Variants in RSBN1L observed in about 807,000 individuals in gnomAD.
The protein encoded by RSBN1L is round spermatid basic protein 1 like, also known as lysine-specific demethylase RSBN1L.
A neutral mutation model predicts 67.7 loss-of-function variants in RSBN1L; 30 were observed. The observed-to-expected ratio is 0.44, with a 90% CI of 0.33 to 0.60. The LOEUF is 0.60. Ranked by LOEUF, RSBN1L falls within the 20% of genes least tolerant of loss-of-function variation. The pLI is 0.02. For missense variants in RSBN1L, 992 were observed against 1,031.7 expected, an observed-to-expected ratio of 0.96 and a Z score of 0.53; for synonymous variants, 433 against 387.0, an observed-to-expected ratio of 1.12 and a Z score of -1.39.
Position 77,696,524 on chromosome 7 carries a change from A to C in RSBN1L, c.55A>C (p.Thr19Pro). 1 of 1,613,752 alleles carries C rather than the reference A, an allele frequency of 6.2e-7. No homozygotes were observed. The highest frequency in any genetic ancestry group is 8.5e-7 in the Non-Finnish European group (1 of 1,179,942). Reference sequence around the variant, plus strand: ...TGTCGCTGCCGCGGCCCCCACCGCCACCGTCTCGGAGAAAGAACCGTTTGG... The same window carrying C: ...TGTCGCTGCCGCGGCCCCCACCGCCCCCGTCTCGGAGAAAGAACCGTTTGG... Reference protein sequence around the residue: ...HCVAAAAPTATVSEKEPFGKL... With the variant: ...HCVAAAAPTAPVSEKEPFGKL... The change falls in exon 1 of 8, where the codon ACC becomes CCC. Residue 19 changes from threonine to proline, a missense_variant. Thr to Pro is a conservative substitution (Grantham distance 38). Around this residue, in one of 7 missense-constraint regions of RSBN1L, gnomAD observed 575 missense variants for 483.2 expected, o/e 1.19. Transcript: ENST00000334955.
intron 1 of RSBN1L, among the ~76,000 whole-genome samples, chr7:77,733,219 A>G (rs1791293262): frequency 6.6e-6 from 1 of 152,232 alleles, no homozygotes; most frequent in Admixed American, 6.5e-5. Context: ...GGTGAAAGGT[A>G]GGTTGAAAGG....
At chr7:77,768,605 A>G (rs1022888078) in intron 4 of RSBN1L, 56 bp from the exon 5 acceptor site, 3 of 1,467,600 alleles carry the variant, frequency 2.0e-6, no homozygotes, top group Non-Finnish European at 2.8e-6. Context: ...TTATTAACAT[A>G]CACTTGAAGA....
chr7:77,754,851 A>G (rs1338338473), intron 3 of RSBN1L, among the ~76,000 whole-genome samples: 1 of 152,204 alleles, frequency 6.6e-6, no homozygotes, highest in African/African-American at 2.4e-5. Context: ...CCTGGGCAGC[A>G]GAGTGAGATC....
At chr7:77,704,627 TAAG>T (rs1179401662) in intron 1 of RSBN1L, among the ~76,000 whole-genome samples, 1 of 152,144 alleles carries the variant, frequency 6.6e-6, no homozygotes, top group Non-Finnish European at 1.5e-5. Flanking sequence ...ATAATTTCAT[TAAG>T]AAACAATTAG....
Position 77,749,894 on chromosome 7 carries a change from A to G in RSBN1L, c.1174A>G (p.Asn392Asp), listed in dbSNP as rs1791532109. The stretch of plus-strand genomic sequence containing the variant: ...GTTTGTGGGTCTAGTGTTCAGTGAA[A>G]ATGAAAACTCTGCAGCTTTCTACGT... ...EEFVGLVFSE[N>D]ENSAAFYVMG... Residue 392 changes from asparagine (N) to aspartate (D), a missense_variant, in exon 3 of 8, where the codon AAT (asparagine) becomes GAT (aspartate). By Grantham distance (23) the Asn-to-Asp change is conservative (BLOSUM62 1). Transcript: ENST00000334955. 1 of 1,614,074 alleles carries G rather than the reference A, an allele frequency of 6.2e-7. No individual in the cohort carries two copies. Among genetic ancestry groups the G allele is most frequent in the South Asian group, 1.1e-5 (1 of 91,078 alleles).
chr7:77,712,286 G>GT (rs1562794722), intron 1 of RSBN1L, among the ~76,000 whole-genome samples: 23 of 150,008 alleles, frequency 1.5e-4, no homozygotes, highest in Non-Finnish European at 2.2e-4. Context: ...ATACATACAT[G>GT]ATTTTTTTTT....
chr7:77,752,058 A>G (rs915594702), intron 3 of RSBN1L, among the ~76,000 whole-genome samples: 3 of 152,360 alleles, frequency 2.0e-5, no homozygotes, highest in African/African-American at 4.8e-5. Context: ...AAACTATCTA[A>G]TATGTACACC....
chr7:77,705,900 T>G (rs1790885401), intron 1 of RSBN1L, among the ~76,000 whole-genome samples: 1 of 152,016 alleles, frequency 6.6e-6, no homozygotes, highest in Non-Finnish European at 1.5e-5. Flanking sequence ...TAATAACATT[T>G]TCTTTTTTGT....
At chr7:77,699,033 A>G (rs903611412) in intron 1 of RSBN1L, among the ~76,000 whole-genome samples, 4 of 152,252 alleles carry the variant, frequency 2.6e-5, no homozygotes, top group African/African-American at 4.8e-5. Context: ...AAGAATACAT[A>G]TATGCCTTTA....
rs1791533107 is a variant in RSBN1L, at chr7:77,749,980, T to G, written c.1260T>G (p.Phe420Leu). The change falls in exon 3 of 8, where the codon TTT (phenylalanine) becomes TTG (leucine). Residue 420 changes from phenylalanine to leucine, a missense_variant. By Grantham distance (22) the Phe-to-Leu change is conservative. This residue lies in a region of RSBN1L where 63 missense variants were observed against 84.8 expected (regional missense o/e 0.74). Coordinates refer to ENST00000334955, the MANE Select transcript of RSBN1L (RefSeq NM_198467.3). Reference protein sequence around the residue: ...YLPDFLDYFSFNFPNSPVKME... With the variant: ...YLPDFLDYFSLNFPNSPVKME... ...CTGACTTTTTAGACTATTTTTCATTTAATTTTCCCAATTCACCAGTGAAAA... is the reference window on the plus strand; with the variant it reads ...CTGACTTTTTAGACTATTTTTCATTGAATTTTCCCAATTCACCAGTGAAAA... 1 of 1,613,696 alleles carries G rather than the reference T, an allele frequency of 6.2e-7. No individual in the cohort carries two copies. The highest frequency in any genetic ancestry group is 8.5e-7 in the Non-Finnish European group (1 of 1,179,644).
intron 1 of RSBN1L, among the ~76,000 whole-genome samples, chr7:77,700,775 C>CAGT (rs1479610129): frequency 2.4e-4 from 37 of 152,258 alleles, no homozygotes; most frequent in Non-Finnish European, 4.1e-4. Context: ...CTGTACCCTC[C>CAGT]AGTAGCTCCA....
At chr7:77,719,697 T>C (rs1391702601) in intron 1 of RSBN1L, among the ~76,000 whole-genome samples, 1 of 152,220 alleles carries the variant, frequency 6.6e-6, no homozygotes, top group African/African-American at 2.4e-5. Context: ...GAGGAAAACC[T>C]GAGCTAAAAT....
At chr7:77,754,647 T>A (rs1397938490) in intron 3 of RSBN1L, among the ~76,000 whole-genome samples, 1 of 152,134 alleles carries the variant, frequency 6.6e-6, no homozygotes, top group Non-Finnish European at 1.5e-5. Context: ...AACATCCCCC[T>A]TTCCCTTATC....
In RSBN1L at chr7:77,696,808, C is replaced by A; in HGVS notation, c.339C>A (p.Pro113=). ...CTTTCTCCGCTGGCACGGCCGTTCC[C>A]TCCTCAGCCTCCGCTTCCTTGTCTC... The part of the protein sequence containing the change: ...SFSFSAGTAV[P]SSASASLSQP... Residue 113 remains proline, a synonymous_variant, in exon 1 of 8, where the codon CCC becomes CCA. Coordinates refer to ENST00000334955, the MANE Select transcript of RSBN1L (RefSeq NM_198467.3). 6.2e-7 allele frequency: 1 copy of A among 1,613,728 alleles called. No homozygotes were observed. The highest frequency in any genetic ancestry group is 8.5e-7 in the Non-Finnish European group (1 of 1,180,004).
In RSBN1L at chr7:77,750,274, A is replaced by G. The variant is rs1049523412; in HGVS notation, c.1344+210A>G. 5.6e-5 allele frequency among the ~76,000 whole-genome samples: 8 copies of G among 141,670 alleles called. No individual in the cohort carries two copies. In the East Asian group the frequency reaches 1.6e-3, roughly 29 times the overall value. 92.9% of individuals were successfully genotyped at this position (141,670 alleles called of 152,430 possible). On this transcript the variant is annotated intron_variant, in intron 3 of 7. Transcript: ENST00000334955. ...TGTATGTTTTTTTTTAAAGACAATT[A>G]ATGAAATAATTAAGATTCTGTGTTT... is the stretch of plus-strand genomic sequence containing the variant.
chr7:77,750,197 T>C (rs1452778038), intron 3 of RSBN1L, 133 bp downstream of exon 3: 2 of 422,882 alleles, frequency 4.7e-6, no homozygotes, highest in Admixed American at 8.7e-5. Flanking sequence ...GTATTAAGAG[T>C]AAATTACTTT....
At chr7:77,742,681 T>TA (rs912264510) in intron 2 of RSBN1L, among the ~76,000 whole-genome samples, 21 of 152,026 alleles carry the variant, frequency 1.4e-4, no homozygotes, top group African/African-American at 5.1e-4. Flanking sequence ...CCACTAAAAA[T>TA]ACAAAATTAG....
intron 5 of RSBN1L, 36 bp from the exon 6 acceptor site, chr7:77,773,111 A>C: frequency 8.5e-7 from 1 of 1,182,126 alleles, no homozygotes; most frequent in Non-Finnish European, 1.2e-6. Context: ...ATTAAGTGTC[A>C]CTATATAAAT....
intron 1 of RSBN1L, chr7:77,697,455 A>T: frequency 6.0e-6 from 1 of 166,474 alleles, no homozygotes; most frequent in Non-Finnish European, 1.3e-5. Flanking sequence ...GGTCGCGGGA[A>T]TTCGTATTTG....
Sources: allele counts gnomAD v4.1 joint callset (sites outside exome capture counted in the v4.1 genomes callset), GRCh38; gene constraint gnomAD v4.1.1; regional missense constraint gnomAD v4.1.1; transcripts MANE v1.5; gene names NCBI Gene and HGNC (gene_info 2026-07-23, HGNC 2026-07-21).